Variants in OGN observed in about 807,000 individuals in gnomAD.
OGN encodes the protein mimecan.
A neutral mutation model predicts 30.8 loss-of-function variants in OGN; 19 were observed. The observed-to-expected ratio is 0.62, with a 90% CI of 0.43 to 0.90. The LOEUF is 0.90. Among genes scored for constraint, OGN ranks in the 40% least tolerant of loss-of-function variants. OGN has a pLI of 0.00. For synonymous variants in OGN, 126 were observed against 128.3 expected (o/e 0.98, Z 0.12); for missense variants, 283 against 349.7 (o/e 0.81, Z 1.52).
intron 3 of OGN, among the ~76,000 whole-genome samples, chr9:92,397,287 G>C (rs1315109088): frequency 6.6e-6 from 1 of 152,098 alleles, no homozygotes; most frequent in African/African-American, 2.4e-5. Flanking sequence ...CCCCAACCCT[G>C]AAATCAGCTA....
chr9:92,386,888 A>G (rs548624598), intron 5 of OGN, among the ~76,000 whole-genome samples: 9 of 151,742 alleles, frequency 5.9e-5, no homozygotes, highest in Non-Finnish European at 1.2e-4. Flanking sequence ...GGCCTAAAAA[A>G]ATACAAAAAA....
In OGN at chr9:92,403,413, C is replaced by G; in HGVS notation, c.-6G>C. On this transcript the variant is annotated 5_prime_UTR_variant, in exon 2 of 7. Transcript: ENST00000375561. ...GTAGACTGCAGAGTCTTCATTTTAG[C>G]AAAAATCAAGGTGACTGGAAGTTAA... 7 of 1,589,262 alleles carry G rather than the reference C, an allele frequency of 4.4e-6. No homozygotes were observed. The highest frequency in any genetic ancestry group is 6.0e-6 in the Non-Finnish European group (7 of 1,170,114).
chr9:92,397,074 G>T (rs1292354004), intron 3 of OGN, among the ~76,000 whole-genome samples: 5 of 151,856 alleles, frequency 3.3e-5, no homozygotes, highest in Non-Finnish European at 2.9e-5. Flanking sequence ...CTACTTGGGA[G>T]GCTGAGGCAG....
At chr9:92,392,939 A>G (rs1842745681) in intron 4 of OGN, 147 bp downstream of exon 4, 2 of 608,164 alleles carry the variant, frequency 3.3e-6, no homozygotes, top group African/African-American at 1.9e-5. Flanking sequence ...CAACAAATGA[A>G]TGGACTTTTG....
chr9:92,394,494 G>C (rs1367645166), intron 3 of OGN, among the ~76,000 whole-genome samples: 1 of 150,100 alleles, frequency 6.7e-6, no homozygotes, highest in African/African-American at 2.5e-5. Context: ...CAAGTGATCT[G>C]CCTGCCTCGG....
chr9:92,397,744 G>A (rs941927360), intron 3 of OGN, among the ~76,000 whole-genome samples: 1 of 152,178 alleles, frequency 6.6e-6, no homozygotes, highest in African/African-American at 2.4e-5. Context: ...AGAGAGCTAG[G>A]AAATAAATGT....
chr9:92,386,830 C>T (rs903342507), intron 5 of OGN, among the ~76,000 whole-genome samples: 1 of 151,956 alleles, frequency 6.6e-6, no homozygotes, highest in Non-Finnish European at 1.5e-5. Context: ...GATCTGCCCG[C>T]CTCAGCCTCC....
In OGN at chr9:92,386,311, T is replaced by A; in HGVS notation, c.631-15A>T. 3 of 1,532,070 alleles carry A rather than the reference T, an allele frequency of 2.0e-6. No individual in the cohort carries two copies. The African/African-American group carries it at 4.1e-5, about 21-fold the overall frequency. The allele number at this position is 1,532,070 out of a possible 1,614,324, so 94.9% of individuals were successfully genotyped here. A position where few individuals can be genotyped will look rare whatever the true frequency, so the allele number is the denominator to read the frequency against. On this transcript the variant is annotated splice_polypyrimidine_tract_variant and intron_variant, in intron 5 of 6. Coordinates refer to ENST00000375561, the MANE Select transcript of OGN (RefSeq NM_014057.5). Reference sequence around the variant, plus strand: ...TTATTCAGTTTCTGTAAGGAAAATTTCATGTGAGTGTTATTGAGGTTCTGT... The same window carrying A: ...TTATTCAGTTTCTGTAAGGAAAATTACATGTGAGTGTTATTGAGGTTCTGT...
chr9:92,402,911 C>T (rs985608521), intron 2 of OGN, among the ~76,000 whole-genome samples: 4 of 152,160 alleles, frequency 2.6e-5, no homozygotes, highest in African/African-American at 7.2e-5. Flanking sequence ...GGCAACACAA[C>T]ATTGCAAGTA....
intron 4 of OGN, among the ~76,000 whole-genome samples, chr9:92,391,241 CAAA>C (rs770262906): frequency 7.7e-6 from 1 of 129,276 alleles, no homozygotes; most frequent in Non-Finnish European, 1.7e-5. Flanking sequence ...CTAAAAATAC[CAAA>C]AAAAAAAAAA....
At chr9:92,388,659 C>G (rs1842537952) in intron 5 of OGN, among the ~76,000 whole-genome samples, 2 of 151,724 alleles carry the variant, frequency 1.3e-5, no homozygotes, top group South Asian at 4.2e-4. Flanking sequence ...TGGCCAACAC[C>G]CATCTCTACT....
rs777793451 is a variant in OGN at position 92,401,118 on chromosome 9, G to A, written c.242C>T (p.Pro81Leu). The A allele has an allele frequency of 3.3e-6, 5 of 1,519,782 alleles. No homozygotes were observed. The highest frequency in any genetic ancestry group is 1.8e-4 in the Middle Eastern group (1 of 5,496). 94.1% of individuals were successfully genotyped at this position (1,519,782 alleles called of 1,614,324 possible). The change falls in exon 3 of 7, where the codon CCA (proline) becomes CTA (leucine). Residue 81 changes from proline to leucine, a missense_variant. Pro to Leu is a moderately conservative substitution (Grantham distance 98, BLOSUM62 -3). Coordinates refer to ENST00000375561, the MANE Select transcript of OGN (RefSeq NM_014057.5). The part of the protein sequence containing the change: ...LQLQKDEAIT[P>L]LPPKKENDEM... The stretch of plus-strand genomic sequence containing the variant: ...ATCATTTTCTTTCTTGGGAGGTAAT[G>A]GTGTTATTGCCTCATCTTTTTGTAA...
At chr9:92,390,771 A>G (rs1166989761) in intron 4 of OGN, among the ~76,000 whole-genome samples, 57 of 152,246 alleles carry the variant, frequency 3.7e-4, no homozygotes, top group East Asian at 1.9e-4. Context: ...ACACATTTCC[A>G]TCAACTATTA....
chr9:92,400,285 G>A (rs1394149617), intron 3 of OGN, among the ~76,000 whole-genome samples: 2 of 152,272 alleles, frequency 1.3e-5, no homozygotes, highest in Middle Eastern at 3.4e-3. Context: ...GAGTAGCTGG[G>A]ATTACAGGCA....
intron 5 of OGN, among the ~76,000 whole-genome samples, chr9:92,386,636 A>T (rs1372436509): frequency 1.3e-5 from 2 of 152,102 alleles, no homozygotes; most frequent in African/African-American, 2.4e-5. Context: ...GTGAGTCCCT[A>T]TGTGGGATTG....
At chr9:92,386,905 A>C (rs1379534308) in intron 5 of OGN, among the ~76,000 whole-genome samples, 1 of 151,606 alleles carries the variant, frequency 6.6e-6, no homozygotes, top group African/African-American at 2.4e-5. Context: ...AAAATTAGAC[A>C]GGCGTGGTGG....
intron 1 of OGN, chr9:92,403,798 A>G (rs1193371866): frequency 6.4e-6 from 3 of 471,292 alleles, no homozygotes; most frequent in Admixed American, 6.4e-5. Context: ...AAGTCCCAAG[A>G]TCCTGTCTCA....
rs767112651 is a variant in OGN, at chr9:92,385,633, C to A, written c.884G>T (p.Gly295Val). The change falls in exon 7 of 7, where the codon GGG becomes GTG. Residue 295 changes from glycine to valine, a missense_variant. Coordinates refer to ENST00000375561, the MANE Select transcript of OGN (RefSeq NM_014057.5). ...TACCAATAGAGGTTAAAAGTATGAC[C>A]CTATCGGTAATCTTTTTAAGCAAAT... ...SFICLKRLPI[G>V]SYF 4 of 1,613,736 alleles carry A rather than the reference C, an allele frequency of 2.5e-6. No individual in the cohort carries two copies. In the South Asian group the frequency reaches 4.4e-5, roughly 18 times the overall value.
intron 3 of OGN, among the ~76,000 whole-genome samples, chr9:92,394,641 G>A (rs1044393776): frequency 6.6e-5 from 10 of 151,520 alleles, no homozygotes; most frequent in African/African-American, 1.7e-4. Flanking sequence ...GTCTCGCTTC[G>A]TCACCCAGGT....
Sources: allele counts gnomAD v4.1 joint callset (sites outside exome capture counted in the v4.1 genomes callset), GRCh38; gene constraint gnomAD v4.1.1; transcripts MANE v1.5; gene names NCBI Gene and HGNC (gene_info 2026-07-23, HGNC 2026-07-21).